The following GPATCH3 variants were observed in gnomAD, a reference collection of about 807,000 sequenced individuals.
GPATCH3 encodes the protein G-patch domain containing 3.
GPATCH3 carries 45 observed loss-of-function variants against 53.2 expected under a neutral mutation model. The observed-to-expected ratio is 0.85, with a 90% CI of 0.67 to 1.08. The LOEUF (loss-of-function observed/expected upper bound fraction) is 1.08, where lower values mean the gene tolerates loss of function less well. Among genes scored for constraint, GPATCH3 ranks in the 50% least tolerant of loss-of-function variants. The pLI is 0.00. For synonymous variants in GPATCH3, 280 were observed against 270.6 expected (o/e 1.03, Z -0.34); for missense variants, 680 against 687.2 (o/e 0.99, Z 0.12).
intron 1 of GPATCH3, 83 bp downstream of exon 1, chr1:26,899,909 C>T: frequency 7.9e-7 from 1 of 1,264,898 alleles, no homozygotes; most frequent in Non-Finnish European, 1.1e-6. Flanking sequence ...TAACCAGAGG[C>T]CTGACTTATC....
intron 6 of GPATCH3, among the ~76,000 whole-genome samples, chr1:26,891,898 A>G (rs1370882696): frequency 7.9e-5 from 12 of 152,128 alleles, no homozygotes; most frequent in South Asian, 2.1e-4. Context: ...TAGTAGACAC[A>G]GGGTTTCACC....
intron 2 of GPATCH3, among the ~76,000 whole-genome samples, chr1:26,895,010 G>A (rs1231566378): frequency 6.6e-6 from 1 of 152,168 alleles, no homozygotes; most frequent in Non-Finnish European, 1.5e-5. Context: ...TACACTGAGG[G>A]AGCAGCAGAG....
intron 1 of GPATCH3, among the ~76,000 whole-genome samples, chr1:26,899,525 A>G (rs1348690568): frequency 6.6e-6 from 1 of 152,208 alleles, no homozygotes; most frequent in Non-Finnish European, 1.5e-5. Context: ...CAATGTAAGC[A>G]TTTGTTGAAT....
chr1:26,892,514 G>A lies in GPATCH3; in HGVS notation c.1258C>T (p.Arg420Trp), dbSNP rs1049835908. ...TKGIGRKVMERQGWAEGQGLG... is the reference protein window; with the variant it reads ...TKGIGRKVMEWQGWAEGQGLG... ...CCCTGGCCCTCAGCCCAGCCCTGCCGCTCCATCACCTTCCGCCCAATGCCC... is the reference window on the plus strand; with the variant it reads ...CCCTGGCCCTCAGCCCAGCCCTGCCACTCCATCACCTTCCGCCCAATGCCC... The change falls in exon 6 of 7, where the codon CGG becomes TGG. Residue 420 changes from arginine (R) to tryptophan (W), a missense_variant. Coordinates refer to ENST00000361720, the MANE Select transcript of GPATCH3 (RefSeq NM_022078.3). 36 of 1,613,464 alleles carry A rather than the reference G, an allele frequency of 2.2e-5. No homozygotes were observed. Among genetic ancestry groups the A allele is most frequent in the Non-Finnish European group, 2.8e-5 (33 of 1,179,578 alleles).
intron 2 of GPATCH3, among the ~76,000 whole-genome samples, chr1:26,894,965 G>C (rs76393522): frequency 0.024 from 3,673 of 152,194 alleles, 149 homozygotes; most frequent in African/African-American, 0.083. Flanking sequence ...CAAAACCTAG[G>C]TTCAGGGGAG....
Position 26,892,740 on chromosome 1 carries a change from C to A in GPATCH3, c.1163G>T (p.Arg388Ile). The change falls in exon 5 of 7, where the codon AGA (arginine) becomes ATA (isoleucine). Residue 388 changes from arginine (R) to isoleucine (I), a missense_variant. Transcript: ENST00000361720. ...RDSVQMRLEQ[R>I]LRDGQEDGSV... ...GCCATCTTCCTGTCCATCTCGGAGT[C>A]TCTGTTCCAGACGCATTTGGACAGA... 1 of 1,614,208 alleles carries A rather than the reference C, an allele frequency of 6.2e-7. No homozygotes were observed. Among genetic ancestry groups the A allele is most frequent in the Non-Finnish European group, 8.5e-7 (1 of 1,180,032 alleles).
intron 2 of GPATCH3, 95 bp from the exon 3 acceptor site, chr1:26,894,505 C>T: frequency 8.6e-7 from 1 of 1,163,738 alleles, no homozygotes; most frequent in East Asian, 2.4e-5. Context: ...TGGCTAGCCT[C>T]AGCGCCATTC....
intron 2 of GPATCH3, 131 bp downstream of exon 2, chr1:26,897,170 T>C (rs2081954672): frequency 1.3e-6 from 1 of 759,614 alleles, no homozygotes; most frequent in Non-Finnish European, 2.2e-6. Flanking sequence ...ACATTCCTTC[T>C]TGGACTCCTT....
intron 2 of GPATCH3, among the ~76,000 whole-genome samples, chr1:26,896,763 C>T (rs2081952694): frequency 1.3e-5 from 2 of 151,452 alleles, no homozygotes; most frequent in African/African-American, 4.9e-5. Context: ...TGGCTCACGC[C>T]TATAATCCCA....
chr1:26,893,513 C>A, intron 3 of GPATCH3, 65 bp from the exon 4 acceptor site: 1 of 1,132,576 alleles, frequency 8.8e-7, no homozygotes, highest in Non-Finnish European at 1.3e-6. Flanking sequence ...AAGAGTTAAA[C>A]CTAGAGTTTT....
chr1:26,897,805 T>C (rs1016256302), intron 1 of GPATCH3, 80 bp from the exon 2 acceptor site: 1 of 1,158,616 alleles, frequency 8.6e-7, no homozygotes, highest in Non-Finnish European at 1.2e-6. Flanking sequence ...AATGTTTAAA[T>C]CTGTTAGCCT....
chr1:26,894,995 A>G (rs369474530), intron 2 of GPATCH3, among the ~76,000 whole-genome samples: 3 of 152,076 alleles, frequency 2.0e-5, no homozygotes, highest in African/African-American at 4.8e-5. Context: ...CTTTGTCCAA[A>G]AGAGTACACT....
rs778860374 is a variant in GPATCH3, at chr1:26,894,255, G to A, written c.1032C>T (p.Phe344=). The A allele has an allele frequency of 6.2e-7, 1 of 1,613,970 alleles. No homozygotes were observed. The highest frequency in any genetic ancestry group is 1.3e-5 in the African/African-American group (1 of 74,904). The part of the protein sequence containing the change: ...SGLVFYTDAQ[F]WQEEEGDFDE... ...CATTACCTCCTTCTTCCTCCTGCCA[G>A]AACTGGGCATCAGTATAAAACACCA... The change falls in exon 3 of 7, where the codon TTC becomes TTT. Residue 344 remains phenylalanine, a synonymous_variant. Transcript: ENST00000361720.
chr1:26,892,837 G>A (rs1208470478), intron 4 of GPATCH3, 46 bp from the exon 5 acceptor site: 1 of 1,601,502 alleles, frequency 6.2e-7, no homozygotes, highest in East Asian at 2.2e-5. Context: ...TCTCAAAGAA[G>A]GGGGAAGAAT....
At position 26,892,698 on chromosome 1, in the gene GPATCH3, T is replaced by C; in HGVS notation, c.1205A>G (p.Gln402Arg). The change falls in exon 5 of 7, where the codon CAG (glutamine) becomes CGG (arginine). Residue 402 changes from glutamine (Q) to arginine (R), a missense_variant. Transcript: ENST00000361720. ...GGTGTGGCGCTCAAAGGTGCCCACCTGGCGTTCGATCACAGAGCCATCTTC... is the reference window on the plus strand; with the variant it reads ...GGTGTGGCGCTCAAAGGTGCCCACCCGGCGTTCGATCACAGAGCCATCTTC... Reference protein sequence around the residue: ...GQEDGSVIERQVGTFERHTKG... With the variant: ...GQEDGSVIERRVGTFERHTKG... 4 of 1,614,162 alleles carry C rather than the reference T, an allele frequency of 2.5e-6. No homozygotes were observed. The highest frequency in any genetic ancestry group is 3.4e-6 in the Non-Finnish European group (4 of 1,180,018).
chr1:26,900,437 C>T lies in GPATCH3; in HGVS notation c.6G>A (p.Ala2=), dbSNP rs2081972122. The change falls in exon 1 of 7, where the codon GCG becomes GCA. Residue 2 remains alanine (A), a synonymous_variant. Coordinates refer to ENST00000361720, the MANE Select transcript of GPATCH3 (RefSeq NM_022078.3). ...CCTCCTCCTCCGCCTCGCCGGGCAC[C>T]GCCATCTTGGATTGTCACATGATCA... is the stretch of plus-strand genomic sequence containing the variant. The part of the protein sequence containing the change: M[A]VPGEAEEEAT... 3.7e-6 allele frequency: 6 copies of T among 1,608,388 alleles called. No homozygotes were observed. The African/African-American group carries it at 4.0e-5, about 11-fold the overall frequency.
chr1:26,891,239 G>T lies in GPATCH3; in HGVS notation c.1362-13C>A. The T allele has an allele frequency of 6.2e-7, 1 of 1,603,484 alleles. No individual in the cohort carries two copies. The highest frequency in any genetic ancestry group is 1.1e-5 in the South Asian group (1 of 90,652). On this transcript the variant is annotated splice_polypyrimidine_tract_variant and intron_variant, in intron 6 of 6. Coordinates refer to ENST00000361720, the MANE Select transcript of GPATCH3 (RefSeq NM_022078.3). The stretch of plus-strand genomic sequence containing the variant: ...CTCTCCATGGTACCTGGATAAAAAC[G>T]GGCTCTCAGTGAGAAGGCTGCTCTC...
At chr1:26,892,086 G>C (rs894677709) in intron 6 of GPATCH3, among the ~76,000 whole-genome samples, 5 of 152,064 alleles carry the variant, frequency 3.3e-5, no homozygotes, top group Admixed American at 6.6e-5. Context: ...CAAATGATCT[G>C]CCCACCTGGG....
chr1:26,900,318 C>A lies in GPATCH3; in HGVS notation c.125G>T (p.Gly42Val). 2 of 1,614,080 alleles carry A rather than the reference C, an allele frequency of 1.2e-6. No individual in the cohort carries two copies. Among genetic ancestry groups the A allele is most frequent in the Non-Finnish European group, 1.7e-6 (2 of 1,180,034 alleles). Residue 42 changes from glycine to valine, a missense_variant, in exon 1 of 7, where the codon GGT (glycine) becomes GTT (valine). Coordinates refer to ENST00000361720, the MANE Select transcript of GPATCH3 (RefSeq NM_022078.3). ...YFSQFREERG[G>V]GFLCFHYRHR... ...CCGGTAGTGGAAACAGAGGAAGCCA[C>A]CGCCGCGCTCTTCTCGGAACTGGCT...
Sources: allele counts gnomAD v4.1 joint callset (sites outside exome capture counted in the v4.1 genomes callset), GRCh38; gene constraint gnomAD v4.1.1; transcripts MANE v1.5; gene names NCBI Gene and HGNC (gene_info 2026-07-23, HGNC 2026-07-21).